Variants in SHROOM3 observed in about 807,000 individuals in gnomAD.
SHROOM3 encodes protein Shroom3.
In SHROOM3, 47 loss-of-function variants were observed where a neutral mutation model predicts 138.6. That is an observed-to-expected ratio of 0.34 (90% CI 0.27 to 0.43). SHROOM3 has a LOEUF of 0.43. Among genes scored for constraint, SHROOM3 ranks in the 20% least tolerant of loss-of-function variants. The pLI is 1.00. For missense variants in SHROOM3, 2,491 were observed against 2,596.5 expected, an observed-to-expected ratio of 0.96 and a Z score of 0.88; for synonymous variants, 1,062 against 1,063.3, an observed-to-expected ratio of 1.00 and a Z score of 0.02.
chr4:76,526,564 A>T (rs1433123225), intron 1 of SHROOM3, among the ~76,000 whole-genome samples: 1 of 152,186 alleles, frequency 6.6e-6, no homozygotes, highest in African/African-American at 2.4e-5. Flanking sequence ...AGGAAATAAA[A>T]GAATGTGGAA....
intron 2 of SHROOM3, among the ~76,000 whole-genome samples, chr4:76,596,531 G>C (rs1734388222): frequency 6.6e-6 from 1 of 151,144 alleles, no homozygotes; most frequent in South Asian, 2.1e-4. Flanking sequence ...CCATCATTCA[G>C]CAATGCATGA....
chr4:76,577,501 G>T (rs550848415), intron 2 of SHROOM3, among the ~76,000 whole-genome samples: 42 of 152,302 alleles, frequency 2.8e-4, no homozygotes, highest in African/African-American at 8.9e-4. Flanking sequence ...TTGGAAGATG[G>T]TGGGGCTGTA....
chr4:76,683,964 G>A (rs1719266666), intron 2 of SHROOM3, among the ~76,000 whole-genome samples: 1 of 152,098 alleles, frequency 6.6e-6, no homozygotes. Flanking sequence ...TTTCCTTCAT[G>A]AAGTTTTTCT....
intron 3 of SHROOM3, among the ~76,000 whole-genome samples, chr4:76,716,591 G>A (rs1179558260): frequency 6.6e-6 from 1 of 152,164 alleles, no homozygotes; most frequent in Non-Finnish European, 1.5e-5. Flanking sequence ...CTCATTATTT[G>A]AATATCTCAC....
chr4:76,658,376 GAGTC>G (rs949342504), intron 2 of SHROOM3, among the ~76,000 whole-genome samples: 36 of 152,170 alleles, frequency 2.4e-4, no homozygotes, highest in Non-Finnish European at 3.7e-4. Context: ...ATTGAGCAAT[GAGTC>G]AGTATCTTTA....
chr4:76,529,647 G>T (rs760485323), intron 1 of SHROOM3, among the ~76,000 whole-genome samples: 10 of 152,058 alleles, frequency 6.6e-5, no homozygotes, highest in Non-Finnish European at 8.8e-5. Flanking sequence ...GATGGAGAGT[G>T]GAGGCATAGG....
At chr4:76,687,566 A>G (rs1719378798) in intron 2 of SHROOM3, among the ~76,000 whole-genome samples, 1 of 152,218 alleles carries the variant, frequency 6.6e-6, no homozygotes, top group Non-Finnish European at 1.5e-5. Context: ...ACATTAGCAT[A>G]ATTTTGTATT....
chr4:76,538,940 C>T (rs1378083493), intron 1 of SHROOM3, among the ~76,000 whole-genome samples: 1 of 152,082 alleles, frequency 6.6e-6, no homozygotes, highest in African/African-American at 2.4e-5. Flanking sequence ...ATCATATTGG[C>T]CATCATTGTT....
chr4:76,470,605 C>T (rs1340066458), intron 1 of SHROOM3, among the ~76,000 whole-genome samples: 2 of 152,182 alleles, frequency 1.3e-5, no homozygotes, highest in Non-Finnish European at 2.9e-5. Context: ...AAAACAGTCT[C>T]TGGAACAGGA....
intron 9 of SHROOM3, among the ~76,000 whole-genome samples, chr4:76,761,934 C>T (rs186809108): frequency 6.6e-6 from 1 of 152,142 alleles, no homozygotes; most frequent in African/African-American, 2.4e-5. Context: ...GTGCAAAACT[C>T]CCAAGTTGGA....
chr4:76,699,416 C>A (rs916777011), intron 2 of SHROOM3, among the ~76,000 whole-genome samples: 2 of 152,200 alleles, frequency 1.3e-5, no homozygotes, highest in African/African-American at 4.8e-5. Context: ...TAAAGGGACC[C>A]CCAGGCTCAT....
intron 2 of SHROOM3, among the ~76,000 whole-genome samples, chr4:76,571,972 T>C (rs940537505): frequency 6.6e-6 from 1 of 152,156 alleles, no homozygotes; most frequent in Non-Finnish European, 1.5e-5. Flanking sequence ...AGCATCCTAA[T>C]GAAGCACTCA....
chr4:76,684,136 T>C lies in SHROOM3; in HGVS notation c.324-26020T>C, dbSNP rs115448243. On this transcript the variant is annotated intron_variant, in intron 2 of 10. Transcript: ENST00000296043. ...TGCATAATATCCTTTGCAATTAATT[T>C]AACTATTTTCTACATGAACATTTAG... 3.8e-3 allele frequency among the ~76,000 whole-genome samples: 574 copies of C among 152,340 alleles called. 4 individuals carry two copies. The highest frequency in any genetic ancestry group is 0.013 in the African/African-American group (528 of 41,578).
chr4:76,466,175 T>G (rs1331919010), intron 1 of SHROOM3, among the ~76,000 whole-genome samples: 1 of 152,228 alleles, frequency 6.6e-6, no homozygotes. Flanking sequence ...TTTTCATCTT[T>G]CAAGAATCAG....
At chr4:76,756,999 A>G (rs895639592) in intron 8 of SHROOM3, 62 bp downstream of exon 8, 2 of 1,611,444 alleles carry the variant, frequency 1.2e-6, no homozygotes, top group South Asian at 1.1e-5. Flanking sequence ...GGGGATGATG[A>G]TAAGTCTAGG....
At chr4:76,513,018 C>A (rs1199917065) in intron 1 of SHROOM3, among the ~76,000 whole-genome samples, 2 of 152,210 alleles carry the variant, frequency 1.3e-5, no homozygotes, top group Non-Finnish European at 2.9e-5. Context: ...ACCGTGCCAT[C>A]TCAGGCCTGC....
intron 2 of SHROOM3, among the ~76,000 whole-genome samples, chr4:76,673,385 T>C (rs766708612): frequency 2.6e-5 from 4 of 151,702 alleles, no homozygotes; most frequent in Non-Finnish European, 5.9e-5. Context: ...TATTGGCCAA[T>C]GGTTTAGAAA....
intron 9 of SHROOM3, among the ~76,000 whole-genome samples, chr4:76,764,778 T>A (rs1374071966): frequency 6.6e-6 from 1 of 152,206 alleles, no homozygotes; most frequent in African/African-American, 2.4e-5. Context: ...CTCTCTTTCG[T>A]CTTTAGCATT....
chr4:76,771,585 T>C (rs192680679), intron 10 of SHROOM3, among the ~76,000 whole-genome samples: 1 of 152,238 alleles, frequency 6.6e-6, no homozygotes, highest in African/African-American at 2.4e-5. Flanking sequence ...CCACAGGCAC[T>C]CAGTGAGGAC....
Sources: allele counts gnomAD v4.1 joint callset (sites outside exome capture counted in the v4.1 genomes callset), GRCh38; gene constraint gnomAD v4.1.1; transcripts MANE v1.5; gene names NCBI Gene and HGNC (gene_info 2026-07-23, HGNC 2026-07-21).